STKLD1: variants seen among roughly 807,000 people sequenced by gnomAD.
STKLD1 encodes serine/threonine kinase like domain containing 1.
STKLD1 carries 79 observed loss-of-function variants against 80.4 expected under a neutral mutation model. The ratio of observed to expected loss-of-function variants is 0.98; its 90% CI spans 0.82 to 1.19. STKLD1 has a LOEUF of 1.19. STKLD1 is among the 50% of genes most tolerant of loss of function. STKLD1 has a pLI of 0.00. For missense variants in STKLD1, 841 were observed against 856.0 expected (o/e 0.98, Z 0.22); for synonymous variants, 393 against 357.6 (o/e 1.10, Z -1.12).
chr9:133,399,247 C>T (rs1838634806), intron 11 of STKLD1, among the ~76,000 whole-genome samples: 1 of 152,162 alleles, frequency 6.6e-6, no homozygotes, highest in South Asian at 2.1e-4. Flanking sequence ...CATATCCATC[C>T]ATCCACCCAT....
chr9:133,377,196 T>A (rs1419840110), intron 1 of STKLD1, among the ~76,000 whole-genome samples: 1 of 152,110 alleles, frequency 6.6e-6, no homozygotes, highest in Non-Finnish European at 1.5e-5. Flanking sequence ...GCCAGATAAT[T>A]TTTAAAGTAA....
chr9:133,400,834 T>C (rs1322326286), intron 12 of STKLD1, among the ~76,000 whole-genome samples: 1 of 152,180 alleles, frequency 6.6e-6, no homozygotes, highest in African/African-American at 2.4e-5. Context: ...GGCCAGGAGC[T>C]TGGAGACGCG....
intron 1 of STKLD1, among the ~76,000 whole-genome samples, chr9:133,377,882 G>T (rs1256139578): frequency 4.6e-5 from 7 of 152,160 alleles, no homozygotes; most frequent in Non-Finnish European, 8.8e-5. Flanking sequence ...CCCTGAGCTT[G>T]TTTTCTTGCA....
At position 133,394,310 on chromosome 9, in the gene STKLD1, G is replaced by A; in HGVS notation, c.603G>A (p.Trp201Ter). 6.2e-7 allele frequency: 1 copy of A among 1,613,824 alleles called. No homozygotes were observed. The highest frequency in any genetic ancestry group is 8.5e-7 in the Non-Finnish European group (1 of 1,179,820). The change falls in exon 8 of 18, where the codon TGG (tryptophan) becomes TGA (stop). Residue 201 changes from tryptophan (W) to a stop codon, truncating the protein, a stop_gained. Transcript: ENST00000371957. LOFTEE classifies it high-confidence loss of function. This position sits in a 1 kb window ranked among gnomAD's most constrained non-coding sequence, Gnocchi z 4.9. The stretch of plus-strand genomic sequence containing the variant: ...CAACAGACCCCTTTCGTAAGTCCTG[G>A]ATGGCCCCTGAAGCCCTCAACTTCT... Reference protein sequence around the residue: ...RAEEDPFRKSWMAPEALNFSF... With the variant: ...RAEEDPFRKS
chr9:133,391,154 C>T (rs946182611), intron 7 of STKLD1, among the ~76,000 whole-genome samples: 2 of 151,348 alleles, frequency 1.3e-5, no homozygotes, highest in Non-Finnish European at 1.5e-5. Context: ...GTCAGCCCCC[C>T]GCCCGGCCAG....
chr9:133,397,261 A>G lies in STKLD1; in HGVS notation c.964A>G (p.Met322Val), dbSNP rs782266882. Residue 322 changes from methionine (M) to valine (V), a missense_variant, in exon 10 of 18, where the codon ATG (methionine) becomes GTG (valine). Met to Val is a conservative substitution (Grantham distance 21). Transcript: ENST00000371957. The part of the protein sequence containing the change: ...RQMVPASITD[M>V]LLEGNVASIL... Reference sequence around the variant, plus strand: ...GATGGTGCCTGCGTCCATCACCGACATGCTGTTAGAAGGCAACGTGGCCAG... The same window carrying G: ...GATGGTGCCTGCGTCCATCACCGACGTGCTGTTAGAAGGCAACGTGGCCAG... 1.2e-6 allele frequency: 2 copies of G among 1,613,848 alleles called. No homozygotes were observed. The highest frequency in any genetic ancestry group is 1.1e-5 in the South Asian group (1 of 91,068).
At chr9:133,380,292 G>A (rs1199917638) in intron 2 of STKLD1, among the ~76,000 whole-genome samples, 3 of 151,408 alleles carry the variant, frequency 2.0e-5, no homozygotes, top group Non-Finnish European at 2.9e-5. Context: ...CAGTCCGCCC[G>A]CCTCGGCCTC....
chr9:133,404,728 C>T (rs1838801649), intron 16 of STKLD1, 61 bp from the exon 17 acceptor site: 1 of 1,588,014 alleles, frequency 6.3e-7, no homozygotes, highest in African/African-American at 1.3e-5. Flanking sequence ...CCGTCCTGGG[C>T]AGAAGGCTCT....
chr9:133,379,161 C>T lies in STKLD1; in HGVS notation c.174+39C>T, dbSNP rs2130259907. Reference sequence around the variant, plus strand: ...CCTGTGCATCCCATGCCGGGTGGTTCTGTGACTGTGATTTTCCCCAATACA... The same window carrying T: ...CCTGTGCATCCCATGCCGGGTGGTTTTGTGACTGTGATTTTCCCCAATACA... On this transcript the variant is annotated intron_variant, in intron 2 of 17. Transcript: ENST00000371957. The T allele has an allele frequency of 3.2e-6, 5 of 1,554,628 alleles. No individual in the cohort carries two copies. In the African/African-American group the frequency reaches 6.8e-5, roughly 21 times the overall value.
In STKLD1 at chr9:133,394,437, C is replaced by T; in HGVS notation, c.702+28C>T. 2 of 1,532,044 alleles carry T rather than the reference C, an allele frequency of 1.3e-6. No homozygotes were observed. The highest frequency in any genetic ancestry group is 3.3e-5 in the Admixed American group (2 of 59,914). 94.9% of individuals were successfully genotyped at this position (1,532,044 alleles called of 1,614,324 possible). On this transcript the variant is annotated intron_variant, in intron 8 of 17. Transcript: ENST00000371957. This position sits in a 1 kb window ranked among gnomAD's most constrained non-coding sequence, Gnocchi z 4.9. ...GAGCCGCCCTCCCTCCCCCACACCC[C>T]ACATGCTGTTCCCCACGCGCCCAGG...
intron 7 of STKLD1, among the ~76,000 whole-genome samples, chr9:133,391,208 C>T (rs1275157011): frequency 6.7e-6 from 1 of 149,370 alleles, no homozygotes; most frequent in Non-Finnish European, 1.5e-5. Context: ...CCCCCCCGCC[C>T]AGACAGCCGC....
chr9:133,391,282 A>T (rs1440532431), intron 7 of STKLD1, among the ~76,000 whole-genome samples: 1 of 142,836 alleles, frequency 7.0e-6, no homozygotes, highest in Non-Finnish European at 1.5e-5. Context: ...TCAGGGAGGG[A>T]GGTGAGGGGC....
intron 8 of STKLD1, among the ~76,000 whole-genome samples, chr9:133,395,068 C>T (rs149795950): frequency 9.5e-4 from 145 of 152,320 alleles, no homozygotes; most frequent in African/African-American, 3.3e-3. Context: ...GGAAGCTCCC[C>T]TTCTCCGCAG....
At chr9:133,400,618 C>T (rs1016794665) in intron 12 of STKLD1, 89 bp downstream of exon 12, 13 of 1,104,936 alleles carry the variant, frequency 1.2e-5, no homozygotes, top group Admixed American at 1.7e-5. Flanking sequence ...GGCACCGGGC[C>T]GGGTGGGTTA....
chr9:133,381,284 C>T (rs1838126741), intron 2 of STKLD1, among the ~76,000 whole-genome samples: 1 of 151,402 alleles, frequency 6.6e-6, no homozygotes, highest in Non-Finnish European at 1.5e-5. Flanking sequence ...GGATTACAGG[C>T]ACGTGCCACC....
intron 2 of STKLD1, among the ~76,000 whole-genome samples, chr9:133,380,236 G>A (rs1221327710): frequency 4.6e-5 from 7 of 151,950 alleles, no homozygotes; most frequent in African/African-American, 1.4e-4. Context: ...GGGTTTCACC[G>A]TGTTGCCCAG....
chr9:133,388,742 C>T, intron 5 of STKLD1: 3 of 985,026 alleles, frequency 3.0e-6, no homozygotes, highest in Non-Finnish European at 3.6e-6. Context: ...CTTTCATCTA[C>T]CCCAGATGAA....
rs890583282 is a variant in STKLD1 at position 133,405,611 on chromosome 9, G to A, written c.*190G>A. ...CACATGAGTAACTGCTCCTGGACCCGGGGACTGTCCACGAAAACTGACTTG... is the reference window on the plus strand; with the variant it reads ...CACATGAGTAACTGCTCCTGGACCCAGGGACTGTCCACGAAAACTGACTTG... On this transcript the variant is annotated 3_prime_UTR_variant, in exon 18 of 18. Transcript: ENST00000371957. 15 of 513,378 alleles carry A rather than the reference G, an allele frequency of 2.9e-5. No homozygotes were observed. Among genetic ancestry groups the A allele is most frequent in the African/African-American group, 2.0e-4 (10 of 50,254 alleles). The allele number at this position is 513,378 out of a possible 1,614,324, so 31.8% of individuals were successfully genotyped here.
chr9:133,387,437 G>A lies in STKLD1; in HGVS notation c.295-10G>A. The A allele has an allele frequency of 6.2e-7, 1 of 1,612,866 alleles. No homozygotes were observed. Among genetic ancestry groups the A allele is most frequent in the Non-Finnish European group, 8.5e-7 (1 of 1,179,082 alleles). ...GGCGTCCTTTGGCTAAGGGCCTCCT[G>A]TCCCAGCAGATCTCTTCTCTGTACC... is the stretch of plus-strand genomic sequence containing the variant. On this transcript the variant is annotated splice_polypyrimidine_tract_variant and intron_variant, in intron 4 of 17. Coordinates refer to ENST00000371957, the MANE Select transcript of STKLD1 (RefSeq NM_153710.5).
Sources: allele counts gnomAD v4.1 joint callset (sites outside exome capture counted in the v4.1 genomes callset), GRCh38; gene constraint gnomAD v4.1.1; non-coding constraint Gnocchi (gnomAD v3.1); transcripts MANE v1.5; gene names NCBI Gene and HGNC (gene_info 2026-07-23, HGNC 2026-07-21).